The following TMEM178A variants were observed in gnomAD, a reference collection of about 807,000 sequenced individuals.
TMEM178A encodes transmembrane protein 178.
In TMEM178A, 12 loss-of-function variants were observed where a neutral mutation model predicts 29.1. The ratio of observed to expected loss-of-function variants is 0.41; its 90% confidence interval spans 0.26 to 0.67. TMEM178A has a LOEUF of 0.67. Among genes scored for constraint, TMEM178A ranks in the 30% least tolerant of loss-of-function variants. The pLI is 0.29. For missense variants in TMEM178A, 366 were observed against 419.1 expected (o/e 0.87, Z 1.11); for synonymous variants, 210 against 187.2 (o/e 1.12, Z -0.99).
chr2:39,672,146 G>A (rs1479016716), intron 1 of TMEM178A, among the ~76,000 whole-genome samples: 1 of 152,124 alleles, frequency 6.6e-6, no homozygotes, highest in Non-Finnish European at 1.5e-5. Flanking sequence ...CATCATGAAG[G>A]TTATCTTGAA....
chr2:39,725,184 T>C, the TMEM178A span, among the ~76,000 whole-genome samples: 3 of 152,126 alleles, frequency 2.0e-5, no homozygotes, highest in Non-Finnish European at 4.4e-5. Flanking sequence ...TGTAGAGCCA[T>C]GCGGGGTGGG....
chr2:39,681,997 G>T (rs1199838729), intron 1 of TMEM178A, among the ~76,000 whole-genome samples: 2 of 152,186 alleles, frequency 1.3e-5, no homozygotes, highest in Non-Finnish European at 2.9e-5. Context: ...CTCCCTGTGG[G>T]ACATTGGCAA....
chr2:39,718,872 C>T (rs558377465), downstream of TMEM178A, among the ~76,000 whole-genome samples: 3 of 152,294 alleles, frequency 2.0e-5, no homozygotes, highest in Non-Finnish European at 2.9e-5. Flanking sequence ...AAATAGAAGA[C>T]GCCATTCCAG....
intron 3 of TMEM178A, among the ~76,000 whole-genome samples, chr2:39,716,060 G>C (rs1191138314): frequency 6.6e-6 from 1 of 152,182 alleles, no homozygotes; most frequent in Non-Finnish European, 1.5e-5. Context: ...GTTGTATACA[G>C]GGATAAACCA....
chr2:39,707,564 TG>T (rs1439014292), intron 3 of TMEM178A, among the ~76,000 whole-genome samples: 1 of 152,176 alleles, frequency 6.6e-6, no homozygotes, highest in Non-Finnish European at 1.5e-5. Flanking sequence ...CTCTGTCTCC[TG>T]GGTTCAAGTG....
At chr2:39,669,345 G>T (rs892420803) in intron 1 of TMEM178A, among the ~76,000 whole-genome samples, 1 of 152,166 alleles carries the variant, frequency 6.6e-6, no homozygotes, top group African/African-American at 2.4e-5. Flanking sequence ...ATTACTGGAG[G>T]CAAGACAAGA....
chr2:39,720,436 T>A (rs1672679470), downstream of TMEM178A, among the ~76,000 whole-genome samples: 1 of 152,208 alleles, frequency 6.6e-6, no homozygotes, highest in South Asian at 2.1e-4. Context: ...TCCAGATCTT[T>A]GCTCAGGCTC....
chr2:39,683,265 C>T (rs1469422534), intron 1 of TMEM178A, among the ~76,000 whole-genome samples: 5 of 152,170 alleles, frequency 3.3e-5, no homozygotes, highest in African/African-American at 7.2e-5. Flanking sequence ...CTCCATCGTC[C>T]GTCCCCATAG....
At chr2:39,728,721 AT>A in the TMEM178A span, among the ~76,000 whole-genome samples, 9,330 of 147,850 alleles carry the variant, frequency 0.063, 672 homozygotes, top group African/African-American at 0.18. Context: ...CAAGAAATGA[AT>A]TTTTTTTTTT....
intron 1 of TMEM178A, among the ~76,000 whole-genome samples, chr2:39,676,473 T>C (rs1670628570): frequency 6.6e-6 from 1 of 152,194 alleles, no homozygotes; most frequent in Non-Finnish European, 1.5e-5. Flanking sequence ...GATGTCTTCT[T>C]TTACAATAAA....
chr2:39,707,002 C>A, intron 2 of TMEM178A, 47 bp from the exon 3 acceptor site: 1 of 1,559,760 alleles, frequency 6.4e-7, no homozygotes, highest in South Asian at 1.2e-5. Context: ...TTCTTAATGA[C>A]TTTCCTGAAT....
downstream of TMEM178A, among the ~76,000 whole-genome samples, chr2:39,722,567 A>G (rs1019120966): frequency 6.6e-5 from 10 of 152,210 alleles, no homozygotes; most frequent in African/African-American, 9.7e-5. Flanking sequence ...AACTTGATCA[A>G]TTAGTGGTGG....
chr2:39,674,589 C>T (rs1572648381), intron 1 of TMEM178A, among the ~76,000 whole-genome samples: 1 of 152,116 alleles, frequency 6.6e-6, no homozygotes, highest in East Asian at 1.9e-4. Context: ...GCTGGGTGCA[C>T]TAAAATCTCA....
At chr2:39,691,330 T>C (rs939841710) in intron 1 of TMEM178A, among the ~76,000 whole-genome samples, 2 of 152,164 alleles carry the variant, frequency 1.3e-5, no homozygotes, top group African/African-American at 4.8e-5. Context: ...AAGGGAATCC[T>C]CATAAGACTA....
At chr2:39,723,768 C>CAGCT in the TMEM178A span, among the ~76,000 whole-genome samples, 2 of 152,148 alleles carry the variant, frequency 1.3e-5, no homozygotes, top group African/African-American at 4.8e-5. Context: ...ATTTGGTTTC[C>CAGCT]AGCTTGCTCA....
At chr2:39,669,854 T>G (rs1392877813) in intron 1 of TMEM178A, among the ~76,000 whole-genome samples, 2 of 152,250 alleles carry the variant, frequency 1.3e-5, no homozygotes, top group Non-Finnish European at 2.9e-5. Flanking sequence ...ACATTCATAC[T>G]GTATTTCCAT....
intron 1 of TMEM178A, among the ~76,000 whole-genome samples, chr2:39,692,448 CA>C (rs1428979957): frequency 6.6e-6 from 1 of 151,888 alleles, no homozygotes; most frequent in East Asian, 1.9e-4. Context: ...TCAATATATA[CA>C]ATAAAAATGG....
At chr2:39,680,398 T>C (rs780313547) in intron 1 of TMEM178A, among the ~76,000 whole-genome samples, 3 of 152,242 alleles carry the variant, frequency 2.0e-5, no homozygotes, top group Non-Finnish European at 4.4e-5. Context: ...TTTGCTCTTT[T>C]GAATGTGACA....
At chr2:39,726,239 GAGGGGATGGCCAGTTT>G in the TMEM178A span, among the ~76,000 whole-genome samples, 6 of 152,308 alleles carry the variant, frequency 3.9e-5, no homozygotes, top group East Asian at 1.2e-3. Context: ...TGCTAAAGGT[GAGGGGATGGCCAGTTT>G]AGGGAAGCTG....
Sources: gnomAD v4.1 joint callset for allele counts (sites outside exome capture counted in the v4.1 genomes callset) on GRCh38, gnomAD v4.1.1 for gene constraint, MANE v1.5 for transcripts, NCBI Gene and HGNC (gene_info 2026-07-23, HGNC 2026-07-21) for gene names.